FRMD8: variants seen among roughly 807,000 people sequenced by gnomAD.
FRMD8 encodes the protein FERM domain containing 8, also known as FERM domain-containing protein 8.
FRMD8 carries 37 observed loss-of-function variants against 54.2 expected under a neutral mutation model. The ratio of observed to expected loss-of-function variants is 0.68; its 90% CI spans 0.53 to 0.90. The LOEUF (loss-of-function observed/expected upper bound fraction) is 0.90, where lower values mean the gene tolerates loss of function less well. FRMD8 is among the 40% of genes least tolerant of loss of function. The pLI, the probability that FRMD8 is intolerant of heterozygous loss-of-function variation, is 0.00. For synonymous variants in FRMD8, 246 were observed against 286.9 expected (o/e 0.86, Z 1.44); for missense variants, 585 against 653.7 (o/e 0.89, Z 1.15).
At chr11:65,379,591 G>C in the FRMD8 span, 33 of 1,574,452 alleles carry the variant, frequency 2.1e-5, no homozygotes, top group Non-Finnish European at 2.7e-5. Context: ...CAGCGGAGTA[G>C]GCACCGTGGG....
At chr11:65,370,457 T>G in the FRMD8 span, among the ~76,000 whole-genome samples, 1 of 151,976 alleles carries the variant, frequency 6.6e-6, no homozygotes, top group Non-Finnish European at 1.5e-5. Flanking sequence ...ATCCCAGCAC[T>G]TTGGGAGGCC....
the FRMD8 span, among the ~76,000 whole-genome samples, chr11:65,369,377 G>C: frequency 6.7e-6 from 1 of 150,176 alleles, no homozygotes; most frequent in Admixed American, 6.6e-5. Context: ...TTAAGCCCAG[G>C]AGTTCAAAAA....
At chr11:65,410,076 A>G (rs934804940) in intron 10 of FRMD8, among the ~76,000 whole-genome samples, 2 of 151,968 alleles carry the variant, frequency 1.3e-5, no homozygotes, top group Non-Finnish European at 2.9e-5. Context: ...CAAAAAAAAA[A>G]CCACAAAGGC....
rs1453398687 is a variant in FRMD8, at chr11:65,407,325, CA to C, written c.1276+2258del. 2.0e-5 allele frequency among the ~76,000 whole-genome samples: 3 copies of C among 151,932 alleles called. No homozygotes were observed. In the East Asian group the frequency reaches 5.9e-4, roughly 30 times the overall value. On this transcript the variant is annotated intron_variant, in intron 10 of 10. Coordinates refer to ENST00000317568, the MANE Select transcript of FRMD8 (RefSeq NM_031904.5). ...GGAGTGCAATGGTGTGATCTTGGCT[CA>C]CTGCAACCTCCGCACCCTGGGTTCA... is the stretch of plus-strand genomic sequence containing the variant.
chr11:65,399,966 C>T, intron 8 of FRMD8, 107 bp downstream of exon 8: 1 of 1,382,500 alleles, frequency 7.2e-7, no homozygotes, highest in Admixed American at 2.1e-5. Flanking sequence ...GGTGGATGGA[C>T]TGTCTGGGAG....
chr11:65,390,197 C>G (rs969611590), intron 3 of FRMD8, among the ~76,000 whole-genome samples: 1 of 152,004 alleles, frequency 6.6e-6, no homozygotes, highest in African/African-American at 2.4e-5. Context: ...CCCTTTCAAG[C>G]TGAAATTGCA....
the FRMD8 span, chr11:65,376,359 C>T: frequency 6.3e-6 from 10 of 1,594,832 alleles, no homozygotes; most frequent in Non-Finnish European, 8.6e-6. Context: ...CTCAAACTGG[C>T]CTCCAGGCCG....
At position 65,411,230 on chromosome 11, in the gene FRMD8, A is replaced by G. The variant is rs746573838; in HGVS notation, c.1277-12A>G. The G allele has an allele frequency of 2.5e-6, 4 of 1,600,832 alleles. No homozygotes were observed. In the Admixed American group the frequency reaches 6.7e-5, roughly 27 times the overall value. On this transcript the variant is annotated splice_polypyrimidine_tract_variant and intron_variant, in intron 10 of 10. Coordinates refer to ENST00000317568, the MANE Select transcript of FRMD8 (RefSeq NM_031904.5). ...GCGCCTCTGCTCAGTGTGCCCTCCCATTCCCTCGCAGGCAAGGGGATCAGG... is the reference window on the plus strand; with the variant it reads ...GCGCCTCTGCTCAGTGTGCCCTCCCGTTCCCTCGCAGGCAAGGGGATCAGG...
rs761706900 is a variant in FRMD8 at position 65,399,837 on chromosome 11, A to G, written c.905A>G (p.His302Arg). The part of the protein sequence containing the change: ...VSVAISLEGV[H>R]VIDSREKHVL... ...GTGGCCATCAGTCTGGAAGGCGTGC[A>G]CGTCATCGATAGCAGAGAGAAGGTA... is the stretch of plus-strand genomic sequence containing the variant. Residue 302 changes from histidine (H) to arginine (R), a missense_variant, in exon 8 of 11, where the codon CAC (histidine) becomes CGC (arginine). By Grantham distance (29) the His-to-Arg change is conservative. Transcript: ENST00000317568. 1.2e-6 allele frequency: 2 copies of G among 1,613,888 alleles called. No homozygotes were observed. The highest frequency in any genetic ancestry group is 1.7e-5 in the Admixed American group (1 of 59,974).
At chr11:65,396,615 G>T (rs1158685017) in intron 6 of FRMD8, among the ~76,000 whole-genome samples, 184 bp from the exon 7 acceptor site, 1 of 152,168 alleles carries the variant, frequency 6.6e-6, no homozygotes, top group Non-Finnish European at 1.5e-5. Context: ...CCTTCGGAGG[G>T]GGGCCGAGAA....
In FRMD8 at chr11:65,411,698, C is replaced by T. The variant is rs768169766; in HGVS notation, c.*338C>T. ...GCCCACCTCAAGATGGGCAGTGTCC[C>T]TGTTCTGAAGTGCCCAGTGGCAGCT... On this transcript the variant is annotated 3_prime_UTR_variant, in exon 11 of 11. Transcript: ENST00000317568. 2.4e-5 allele frequency: 5 copies of T among 207,778 alleles called. No individual in the cohort carries two copies. Among genetic ancestry groups the T allele is most frequent in the Admixed American group, 1.2e-4 (2 of 16,854 alleles). The allele number at this position is 207,778 out of a possible 1,614,324, so 12.9% of individuals were successfully genotyped here.
upstream of FRMD8, among the ~76,000 whole-genome samples, chr11:65,384,820 C>T (rs1030185348): frequency 6.6e-6 from 1 of 152,188 alleles, no homozygotes; most frequent in Non-Finnish European, 1.5e-5. Context: ...TCCAGCGATC[C>T]TCCCACCTCA....
rs1855791826 is a variant in FRMD8, at chr11:65,389,260, T to TGGG, written c.86-98_86-96dup. 2.3e-5 allele frequency: 26 copies of TGGG among 1,142,288 alleles called. 1 individual carries two copies. In the South Asian group the frequency reaches 3.4e-4, roughly 15 times the overall value. The allele number at this position is 1,142,288 out of a possible 1,614,324, so 70.8% of individuals were successfully genotyped here. A position where few individuals can be genotyped will look rare whatever the true frequency, so the allele number is the denominator to read the frequency against. On this transcript the variant is annotated intron_variant, in intron 2 of 10. Transcript: ENST00000317568. ...CTGGTCACCCCTGAGGGGTGTAGGG[T>TGGG]GGGGGCTCCAGCCCCAGTGGGTGGT... is the stretch of plus-strand genomic sequence containing the variant.
chr11:65,399,875 C>G lies in FRMD8; in HGVS notation c.927+16C>G, dbSNP rs1856036047. 1.9e-6 allele frequency: 3 copies of G among 1,606,688 alleles called. No homozygotes were observed. The highest frequency in any genetic ancestry group is 1.7e-4 in the Middle Eastern group (1 of 6,028). On this transcript the variant is annotated intron_variant, in intron 8 of 10. Coordinates refer to ENST00000317568, the MANE Select transcript of FRMD8 (RefSeq NM_031904.5). ...CAGAGAGAAGGTACTGCCCCCAGCT[C>G]CTCCAGGGTGGAGAGGATGGGAGGG...
At chr11:65,381,966 G>C (rs1230412807), upstream of FRMD8, 8 of 1,613,216 alleles carry the variant, frequency 5.0e-6, no homozygotes, top group Non-Finnish European at 6.8e-6. Flanking sequence ...TGGGCTTGCG[G>C]GAACTGGTGG....
chr11:65,375,722 G>T, the FRMD8 span: 1 of 152,470 alleles, frequency 6.6e-6, no homozygotes, highest in East Asian at 1.9e-4. Flanking sequence ...AGGCAGGGAG[G>T]TGGGAGGCCG....
upstream of FRMD8, among the ~76,000 whole-genome samples, chr11:65,384,782 A>C (rs11601539): frequency 0.039 from 5,893 of 152,246 alleles, 178 homozygotes; most frequent in Non-Finnish European, 0.062. Context: ...GCGCTATCAG[A>C]GCTCACTGTG....
the FRMD8 span, among the ~76,000 whole-genome samples, chr11:65,370,002 G>C: frequency 2.0e-5 from 3 of 151,340 alleles, no homozygotes; most frequent in African/African-American, 7.3e-5. Context: ...TTGCATTCCA[G>C]CCTGGGCAAC....
intron 10 of FRMD8, among the ~76,000 whole-genome samples, chr11:65,406,152 C>T (rs1403971153): frequency 1.3e-5 from 2 of 151,216 alleles, no homozygotes; most frequent in Non-Finnish European, 3.0e-5. Flanking sequence ...CTCAACCTCC[C>T]GAGTAGCTGG....
Sources: allele counts gnomAD v4.1 joint callset (sites outside exome capture counted in the v4.1 genomes callset), GRCh38; gene constraint gnomAD v4.1.1; transcripts MANE v1.5; gene names NCBI Gene and HGNC (gene_info 2026-07-23, HGNC 2026-07-21).